FRMPD4: variants seen among roughly 807,000 people sequenced by gnomAD.
FRMPD4 encodes FERM and PDZ domain-containing protein 4.
A neutral mutation model predicts 94.1 loss-of-function variants in FRMPD4; 22 were observed. The ratio of observed to expected loss-of-function variants is 0.23; its 90% CI spans 0.17 to 0.33. The LOEUF is 0.33. FRMPD4 is among the 10% of genes least tolerant of loss of function. The probability of loss-of-function intolerance (pLI) is 1.00; values close to 1 mark genes in which losing one functional copy is unlikely to be tolerated. For missense variants in FRMPD4, 1,111 were observed against 1,339.9 expected, an observed-to-expected ratio of 0.83 and a Z score of 2.67; for synonymous variants, 631 against 548.6, an observed-to-expected ratio of 1.15 and a Z score of -2.10.
rs1242668396 is a variant in FRMPD4, at chrX:12,114,492, CA to C, written c.95+236479del. Among the ~76,000 whole-genome samples, 4 of 111,977 alleles carry C rather than the reference CA, an allele frequency of 3.6e-5. No individual in the cohort carries two copies. The East Asian group carries it at 1.1e-3, about 31-fold the overall frequency. ...ATAATATAGCCCTATATTACTTAAC[CA>C]AAAAGCTTATAAAATCATATTTTTA... On this transcript the variant is annotated intron_variant, in intron 3 of 18. Coordinates refer to the FRMPD4 transcript ENST00000640291.
chrX:12,724,359 T>C lies in FRMPD4; in HGVS notation c.*2501T>C, dbSNP rs2042294176. 8.9e-6 allele frequency: 1 copy of C among 112,052 alleles called. No individual in the cohort carries two copies. The highest frequency in any genetic ancestry group is 3.2e-5 in the African/African-American group (1 of 30,869). The allele number at this position is 112,052 out of a possible 1,213,427, so 9.2% of individuals were successfully genotyped here. On this transcript the variant is annotated 3_prime_UTR_variant, in exon 17 of 17. Transcript: ENST00000675598. ...CCACATTCACTAAGCATGGGGCTCC[T>C]AACTGGGGTCCAGGTCCATAGAGTG...
At chrX:12,221,479 A>G (rs2056866839) in intron 1 of FRMPD4, among the ~76,000 whole-genome samples, 1 of 112,644 alleles carries the variant, frequency 8.9e-6, no homozygotes, top group Admixed American at 9.4e-5. Context: ...ATAACTAGAT[A>G]TCCATATGAA....
intron 1 of FRMPD4, among the ~76,000 whole-genome samples, chrX:12,480,444 A>C (rs1326077681): frequency 9.0e-6 from 1 of 110,784 alleles, no homozygotes; most frequent in Non-Finnish European, 1.9e-5. Context: ...ACTGGGAGAA[A>C]TGCATGTGGA....
intron 2 of FRMPD4, among the ~76,000 whole-genome samples, chrX:12,511,491 TAACAG>T (rs1341847169): frequency 1.9e-5 from 2 of 105,689 alleles, no homozygotes; most frequent in East Asian, 5.9e-4. Flanking sequence ...AAAAATATAA[TAACAG>T]AACAGAAAAA....
chrX:12,047,344 A>G (rs2054791548), intron 3 of FRMPD4, among the ~76,000 whole-genome samples: 1 of 111,257 alleles, frequency 9.0e-6, no homozygotes, highest in Admixed American at 9.6e-5. Flanking sequence ...TAATTAAACA[A>G]TGATAAAACA....
intron 3 of FRMPD4, among the ~76,000 whole-genome samples, chrX:12,011,637 A>G (rs1183411528): frequency 1.8e-5 from 2 of 111,930 alleles, no homozygotes; most frequent in East Asian, 5.6e-4. Context: ...ACATTTGGTA[A>G]CTGTTAGTTC....
At chrX:12,463,796 GAGAAA>G (rs1487711980) in intron 1 of FRMPD4, among the ~76,000 whole-genome samples, 1 of 104,767 alleles carries the variant, frequency 9.5e-6, no homozygotes, top group Admixed American at 1.1e-4. Flanking sequence ...TAGGAAAAAT[GAGAAA>G]AGAAAGAAAA....
At chrX:12,345,107 T>C (rs1028263688) in intron 1 of FRMPD4, among the ~76,000 whole-genome samples, 1 of 98,358 alleles carries the variant, frequency 1.0e-5, no homozygotes, top group Non-Finnish European at 2.1e-5. Flanking sequence ...GATGGATGGA[T>C]GGATGAACAG....
rs201251837 is a variant in FRMPD4, at chrX:12,066,871, G to GTTTTTT, written c.95+188858_95+188859insTTTTTT. 1.8e-3 allele frequency among the ~76,000 whole-genome samples: 184 copies of GTTTTTT among 100,060 alleles called. 1 individual carries two copies. The highest frequency in any genetic ancestry group is 5.1e-3 in the Middle Eastern group (1 of 195). 86.9% of individuals were successfully genotyped at this position (100,060 alleles called of 115,157 possible). On this transcript the variant is annotated intron_variant, in intron 3 of 18. Transcript: ENST00000640291. ...AGCAGTCCCCAAGTTTTTTGTTTTT[G>GTTTTTT]TTTTTGTTTTTTTTTTGAGACATAG...
chrX:12,210,819 C>T (rs2056747625), intron 1 of FRMPD4, among the ~76,000 whole-genome samples: 1 of 111,363 alleles, frequency 9.0e-6, no homozygotes, highest in Non-Finnish European at 1.9e-5. Flanking sequence ...CCTTAACATT[C>T]ACCAAATTTA....
intron 3 of FRMPD4, among the ~76,000 whole-genome samples, chrX:11,984,649 T>C (rs1265958880): frequency 8.9e-6 from 1 of 112,376 alleles, no homozygotes; most frequent in Non-Finnish European, 1.9e-5. Context: ...ATTTGTCCTC[T>C]TCAATTAGGG....
At chrX:12,331,157 C>T (rs2055365643) in intron 1 of FRMPD4, among the ~76,000 whole-genome samples, 1 of 109,699 alleles carries the variant, frequency 9.1e-6, no homozygotes, top group Non-Finnish European at 1.9e-5. Context: ...TTTCCTGACC[C>T]CTGGTTTGGC....
intron 1 of FRMPD4, among the ~76,000 whole-genome samples, chrX:12,480,566 A>G (rs1435304063): frequency 2.7e-5 from 3 of 111,578 alleles, no homozygotes; most frequent in African/African-American, 9.8e-5. Context: ...AGCCACTTTC[A>G]GAGTACTCCC....
intron 1 of FRMPD4, among the ~76,000 whole-genome samples, chrX:12,473,837 G>C (rs1339088085): frequency 7.3e-5 from 8 of 109,705 alleles, no homozygotes; most frequent in Non-Finnish European, 1.3e-4. Context: ...GACCTACAAA[G>C]AGACTTAGAC....
intron 1 of FRMPD4, among the ~76,000 whole-genome samples, chrX:12,257,308 T>G (rs6639168): frequency 0.19 from 21,180 of 109,280 alleles, 1,805 homozygotes; most frequent in East Asian, 0.52. Flanking sequence ...TTTCTGTGGG[T>G]TTTTTTTCCC....
intron 1 of FRMPD4, among the ~76,000 whole-genome samples, chrX:12,146,186 A>AC (rs1205567335): frequency 1.8e-5 from 2 of 108,262 alleles, no homozygotes; most frequent in East Asian, 5.7e-4. Context: ...ACACGGTCAA[A>AC]CCCCGTCTCT....
intron 1 of FRMPD4, among the ~76,000 whole-genome samples, chrX:12,172,414 A>C (rs1045278189): frequency 9.0e-6 from 1 of 111,586 alleles, no homozygotes; most frequent in Non-Finnish European, 1.9e-5. Context: ...TCAGATCTCA[A>C]GTCCTTCCCT....
intron 3 of FRMPD4, among the ~76,000 whole-genome samples, chrX:12,089,331 CTGAGTCACAGAATGTGCTTATGT>C (rs1261516787): frequency 8.9e-6 from 1 of 111,844 alleles, no homozygotes; most frequent in African/African-American, 3.3e-5. Context: ...AGTGGAATTG[CTGAGTCACAGAATGTGCTTATGT>C]TGGGAATTTG....
intron 9 of FRMPD4, among the ~76,000 whole-genome samples, chrX:12,695,455 A>G (rs2060119106): frequency 9.0e-6 from 1 of 110,998 alleles, no homozygotes; most frequent in Non-Finnish European, 1.9e-5. Flanking sequence ...CCCAGGCTGG[A>G]GTGCAATGGC....
Sources: allele counts gnomAD v4.1 joint callset (sites outside exome capture counted in the v4.1 genomes callset), GRCh38; gene constraint gnomAD v4.1.1; transcripts MANE v1.5; gene names NCBI Gene and HGNC (gene_info 2026-07-23, HGNC 2026-07-21).